The following FGF14 variants were observed in gnomAD, a reference collection of about 807,000 sequenced individuals.
FGF14 encodes fibroblast growth factor 14.
FGF14 carries 5 observed loss-of-function variants against 25.5 expected under a neutral mutation model. That is an observed-to-expected ratio of 0.20 (90% CI 0.10 to 0.41). The LOEUF (loss-of-function observed/expected upper bound fraction) is 0.41, where lower values mean the gene tolerates loss of function less well. FGF14 is among the 10% of genes least tolerant of loss of function. FGF14 has a pLI of 1.00. For missense variants in FGF14, 222 were observed against 320.1 expected (o/e 0.69, Z 2.34); for synonymous variants, 138 against 118.3 (o/e 1.17, Z -1.08).
At chr13:101,816,162 T>C (rs554894758) in intron 3 of FGF14, among the ~76,000 whole-genome samples, 7 of 150,054 alleles carry the variant, frequency 4.7e-5, no homozygotes, top group East Asian at 2.0e-4. Flanking sequence ...CCCAGCTACT[T>C]GGGAGGCTGA....
chr13:102,081,321 T>G (rs1328912800), intron 1 of FGF14, among the ~76,000 whole-genome samples: 1 of 152,226 alleles, frequency 6.6e-6, no homozygotes, highest in Non-Finnish European at 1.5e-5. Context: ...TGTTTAAGAA[T>G]GTATCAAAAC....
chr13:102,306,512 T>C (rs2055388823), intron 1 of FGF14, among the ~76,000 whole-genome samples: 1 of 152,154 alleles, frequency 6.6e-6, no homozygotes, highest in Non-Finnish European at 1.5e-5. Context: ...ATGAAAATCA[T>C]GACCTTGGAG....
chr13:101,926,909 C>A (rs1373118960), intron 1 of FGF14, among the ~76,000 whole-genome samples: 3 of 152,106 alleles, frequency 2.0e-5, no homozygotes, highest in Non-Finnish European at 4.4e-5. Flanking sequence ...GCCATTTATG[C>A]AAAAGATTTT....
In FGF14 at chr13:101,910,514, A is replaced by C. The variant is rs544083618; in HGVS notation, c.193+5939T>G. 1.1e-4 allele frequency among the ~76,000 whole-genome samples: 16 copies of C among 152,248 alleles called. No individual in the cohort carries two copies. In the South Asian group the frequency reaches 3.3e-3, roughly 32 times the overall value. On this transcript the variant is annotated intron_variant, in intron 1 of 4. Coordinates refer to ENST00000376143, the MANE Select transcript of FGF14 (RefSeq NM_004115.4). ...TATCAATCCCAATATCAAAAACCAT[A>C]AAATCATAGGGAGAAACATACATTC...
chr13:101,843,385 A>C (rs1566298444), intron 3 of FGF14, among the ~76,000 whole-genome samples: 1 of 151,898 alleles, frequency 6.6e-6, no homozygotes, highest in Non-Finnish European at 1.5e-5. Context: ...CTTATAGCAT[A>C]AGGGATCCAC....
At chr13:101,776,958 T>A (rs1228042971) in intron 3 of FGF14, among the ~76,000 whole-genome samples, 2 of 152,204 alleles carry the variant, frequency 1.3e-5, no homozygotes, top group Non-Finnish European at 2.9e-5. Context: ...AGGCCTTTTT[T>A]AAAATGAAGT....
intron 1 of FGF14, among the ~76,000 whole-genome samples, chr13:101,928,420 G>A (rs1362795442): frequency 6.6e-6 from 1 of 151,812 alleles, no homozygotes; most frequent in Admixed American, 6.6e-5. Context: ...GTGTGTGTGT[G>A]TGTAGTTTTT....
chr13:101,722,686 T>TGCAACAG lies in FGF14; in HGVS notation c.*138_*144dup. ...TGCAACAGGTTGAGATTTATCCACT[T>TGCAACAG]GCAACAGAGAAGTTCGGAGACAGCA... On this transcript the variant is annotated 3_prime_UTR_variant, in exon 5 of 5. Transcript: ENST00000376143. The TGCAACAG allele has an allele frequency of 3.6e-6, 4 of 1,104,926 alleles. No homozygotes were observed. Among genetic ancestry groups the TGCAACAG allele is most frequent in the Non-Finnish European group, 5.3e-6 (4 of 752,808 alleles). The allele number at this position is 1,104,926 out of a possible 1,614,324, so 68.4% of individuals were successfully genotyped here. A position where few individuals can be genotyped will look rare whatever the true frequency, so the allele number is the denominator to read the frequency against.
chr13:102,173,978 T>A (rs545153034), intron 1 of FGF14, among the ~76,000 whole-genome samples: 43 of 152,084 alleles, frequency 2.8e-4, no homozygotes, highest in East Asian at 1.2e-3. Flanking sequence ...GGCATCCAAA[T>A]TGGAAAGGAG....
chr13:101,895,942 T>C (rs1024694637), intron 1 of FGF14, among the ~76,000 whole-genome samples: 13 of 152,228 alleles, frequency 8.5e-5, no homozygotes, highest in Non-Finnish European at 1.9e-4. Context: ...CTTTGGAATC[T>C]TGTATTCTAC....
chr13:101,750,429 A>C (rs148198419), intron 3 of FGF14, among the ~76,000 whole-genome samples: 2,092 of 152,298 alleles, frequency 0.014, 52 homozygotes, highest in African/African-American at 0.048. Context: ...GCAAGTTATA[A>C]AAGTTTTTAA....
intron 1 of FGF14, among the ~76,000 whole-genome samples, chr13:102,164,501 T>C (rs941128326): frequency 4.6e-5 from 7 of 152,060 alleles, no homozygotes; most frequent in African/African-American, 1.7e-4. Context: ...GGATGGATCA[T>C]GGATGGTTTC....
intron 1 of FGF14, among the ~76,000 whole-genome samples, chr13:102,391,671 G>C (rs1423371008): frequency 6.6e-6 from 1 of 152,132 alleles, no homozygotes; most frequent in Non-Finnish European, 1.5e-5. Flanking sequence ...AAATAATCAA[G>C]TTAATGGAAA....
At chr13:101,882,442 A>G (rs1382144553) in intron 1 of FGF14, among the ~76,000 whole-genome samples, 1 of 152,216 alleles carries the variant, frequency 6.6e-6, no homozygotes, top group African/African-American at 2.4e-5. Flanking sequence ...AGGATATTGC[A>G]TTAACCATGA....
At chr13:102,318,777 A>G (rs1303759470) in intron 1 of FGF14, among the ~76,000 whole-genome samples, 1 of 152,198 alleles carries the variant, frequency 6.6e-6, no homozygotes, top group African/African-American at 2.4e-5. Flanking sequence ...TTAGGACTTC[A>G]GCACATAAAT....
intron 1 of FGF14, among the ~76,000 whole-genome samples, chr13:102,390,044 C>T (rs776941130): frequency 4.6e-5 from 7 of 152,118 alleles, no homozygotes; most frequent in Non-Finnish European, 7.3e-5. Flanking sequence ...GTCTAACATG[C>T]AATGTCATAT....
chr13:102,118,605 A>G (rs1365218468), intron 1 of FGF14, among the ~76,000 whole-genome samples: 1 of 152,154 alleles, frequency 6.6e-6, no homozygotes, highest in African/African-American at 2.4e-5. Context: ...AGAATAACTC[A>G]TGAATGAACT....
intron 1 of FGF14, among the ~76,000 whole-genome samples, chr13:102,130,776 A>G (rs945874502): frequency 5.3e-5 from 8 of 152,168 alleles, no homozygotes; most frequent in Non-Finnish European, 1.0e-4. Context: ...TGAAGTGAAC[A>G]AACAGCTGAG....
rs180866803 is a variant in FGF14 at position 101,970,639 on chromosome 13, G to A, written c.209-95343C>T. ...TGGAGTCTCCATGTCTGACTGTAAG[G>A]AAAGTTCCACCAGAAGAAAAAATGC... On this transcript the variant is annotated intron_variant, in intron 1 of 4. Transcript: ENST00000376131. 7.2e-5 allele frequency among the ~76,000 whole-genome samples: 11 copies of A among 152,262 alleles called. No individual in the cohort carries two copies. In the East Asian group the frequency reaches 1.9e-3, roughly 27 times the overall value.
Sources: allele counts gnomAD v4.1 joint callset (sites outside exome capture counted in the v4.1 genomes callset), GRCh38; gene constraint gnomAD v4.1.1; transcripts MANE v1.5; gene names NCBI Gene and HGNC (gene_info 2026-07-23, HGNC 2026-07-21).